Variants in GRM8 observed in about 807,000 individuals in gnomAD.
The protein encoded by GRM8 is glutamate metabotropic receptor 8.
In GRM8, 47 loss-of-function variants were observed where a neutral mutation model predicts 87.2. The observed-to-expected ratio is 0.54, with a 90% confidence interval of 0.43 to 0.69. The LOEUF is 0.69. Ranked by LOEUF, GRM8 falls within the 30% of genes least tolerant of loss-of-function variation. The pLI is 0.00. For missense variants in GRM8, 1,019 were observed against 1,139.2 expected (o/e 0.89, Z 1.52); for synonymous variants, 396 against 404.5 (o/e 0.98, Z 0.25).
At chr7:127,046,010 C>T (rs1358790353) in intron 3 of GRM8, among the ~76,000 whole-genome samples, 3 of 152,116 alleles carry the variant, frequency 2.0e-5, no homozygotes, top group African/African-American at 7.2e-5. Context: ...CAGAAACATC[C>T]CACATATCTA....
intron 3 of GRM8, among the ~76,000 whole-genome samples, chr7:127,021,458 T>C (rs2132219851): frequency 6.6e-6 from 1 of 152,150 alleles, no homozygotes; most frequent in African/African-American, 2.4e-5. Flanking sequence ...TAAGTGATGA[T>C]ACTAATTTCC....
intron 10 of GRM8, among the ~76,000 whole-genome samples, chr7:126,442,435 A>T (rs755411261): frequency 5.3e-5 from 8 of 152,038 alleles, no homozygotes; most frequent in Non-Finnish European, 1.0e-4. Context: ...AAGGACTTTC[A>T]TATAATCTTC....
At chr7:126,606,695 G>A (rs990127425) in intron 8 of GRM8, among the ~76,000 whole-genome samples, 35 of 151,966 alleles carry the variant, frequency 2.3e-4, no homozygotes, top group African/African-American at 7.3e-4. Context: ...TTTCCATTTC[G>A]GTAAAACCCG....
chr7:126,757,305 A>T (rs904532724), intron 7 of GRM8, among the ~76,000 whole-genome samples: 1 of 152,088 alleles, frequency 6.6e-6, no homozygotes, highest in African/African-American at 2.4e-5. Context: ...TGAGGAATAG[A>T]GAACCCAGGA....
chr7:126,909,001 C>T (rs1238992899), intron 3 of GRM8, among the ~76,000 whole-genome samples: 2 of 152,204 alleles, frequency 1.3e-5, no homozygotes, highest in Non-Finnish European at 2.9e-5. Flanking sequence ...TTCTTCATAT[C>T]AGTCAAAAAC....
intron 6 of GRM8, among the ~76,000 whole-genome samples, chr7:126,851,581 AAC>A (rs1281773958): frequency 6.6e-6 from 1 of 152,008 alleles, no homozygotes; most frequent in Non-Finnish European, 1.5e-5. Context: ...TTGTCCTTTG[AAC>A]ACCTAGAAAA....
intron 3 of GRM8, among the ~76,000 whole-genome samples, chr7:126,979,040 G>C (rs180979109): frequency 6.6e-6 from 1 of 152,240 alleles, no homozygotes; most frequent in Non-Finnish European, 1.5e-5. Flanking sequence ...TTATTCACTT[G>C]CATAAATTAT....
intron 3 of GRM8, among the ~76,000 whole-genome samples, chr7:126,918,554 TTCAGCTGGAC>T (rs1260349013): frequency 2.6e-5 from 4 of 152,200 alleles, no homozygotes; most frequent in Non-Finnish European, 4.4e-5. Context: ...AATGAAGGAT[TTCAGCTGGAC>T]TCAATAAAAT....
At chr7:126,965,883 A>G (rs567881498) in intron 3 of GRM8, among the ~76,000 whole-genome samples, 2 of 152,050 alleles carry the variant, frequency 1.3e-5, no homozygotes, top group Non-Finnish European at 2.9e-5. Context: ...ATAAGCAGAA[A>G]ATTGAGTGAT....
intron 6 of GRM8, among the ~76,000 whole-genome samples, chr7:126,864,155 T>C (rs1044863749): frequency 9.3e-5 from 14 of 150,694 alleles, no homozygotes; most frequent in African/African-American, 2.9e-4. Context: ...ACAGGTATGA[T>C]CCACTATGCC....
intron 6 of GRM8, among the ~76,000 whole-genome samples, chr7:126,880,146 T>C (rs1258471720): frequency 6.6e-6 from 1 of 152,208 alleles, no homozygotes; most frequent in Non-Finnish European, 1.5e-5. Context: ...CTGATACCCA[T>C]TCATTAAAAT....
intron 8 of GRM8, among the ~76,000 whole-genome samples, chr7:126,569,454 T>C (rs908481283): frequency 4.6e-5 from 7 of 152,216 alleles, no homozygotes; most frequent in Non-Finnish European, 2.9e-5. Flanking sequence ...AAGTGAATTT[T>C]ATTTTTAATT....
At chr7:126,601,846 G>A (rs1797812232) in intron 8 of GRM8, among the ~76,000 whole-genome samples, 1 of 141,538 alleles carries the variant, frequency 7.1e-6, no homozygotes. Flanking sequence ...TTTGTCAGAT[G>A]AGTAGGTTGT....
intron 2 of GRM8, among the ~76,000 whole-genome samples, chr7:127,214,001 A>G (rs17862324): frequency 0.15 from 22,947 of 152,218 alleles, 2,187 homozygotes; most frequent in Middle Eastern, 0.2. Flanking sequence ...TAGAATACTA[A>G]ATTAAATAAG....
chr7:126,986,542 T>G (rs553772370), intron 3 of GRM8, among the ~76,000 whole-genome samples: 1 of 152,326 alleles, frequency 6.6e-6, no homozygotes, highest in East Asian at 1.9e-4. Context: ...AATGTAGTGG[T>G]CTCTGAGAAG....
At chr7:126,573,172 G>T (rs980838206) in intron 8 of GRM8, among the ~76,000 whole-genome samples, 17 of 152,230 alleles carry the variant, frequency 1.1e-4, no homozygotes, top group African/African-American at 3.9e-4. Context: ...CTTAAATAAT[G>T]TTTACACAGT....
chr7:126,852,703 A>G (rs891318140), intron 6 of GRM8, among the ~76,000 whole-genome samples: 1 of 152,150 alleles, frequency 6.6e-6, no homozygotes, highest in Non-Finnish European at 1.5e-5. Context: ...AAATCTAGTG[A>G]TGTGTGACTT....
At chr7:127,128,214 C>A (rs1827478899) in intron 2 of GRM8, among the ~76,000 whole-genome samples, 1 of 152,132 alleles carries the variant, frequency 6.6e-6, no homozygotes, top group African/African-American at 2.4e-5. Context: ...GTTTCCAAAG[C>A]TGAGTATCAG....
chr7:127,050,044 T>C (rs540863531), intron 3 of GRM8, among the ~76,000 whole-genome samples: 1 of 152,244 alleles, frequency 6.6e-6, no homozygotes, highest in South Asian at 2.1e-4. Context: ...GACAATGAGA[T>C]GCCACTTAGG....
Sources: gnomAD v4.1 joint callset for allele counts (sites outside exome capture counted in the v4.1 genomes callset) on GRCh38, gnomAD v4.1.1 for gene constraint, MANE v1.5 for transcripts, NCBI Gene and HGNC (gene_info 2026-07-23, HGNC 2026-07-21) for gene names.